Variants in RCL1 observed in about 807,000 individuals in gnomAD.
The protein encoded by RCL1 is RNA 3'-terminal phosphate cyclase-like protein.
RCL1 carries 24 observed loss-of-function variants against 42.4 expected under a neutral mutation model. The observed-to-expected ratio is 0.57, with a 90% confidence interval of 0.41 to 0.80. The LOEUF is 0.80. Ranked by LOEUF, RCL1 falls within the 30% of genes least tolerant of loss-of-function variation. The pLI is 0.00. For missense variants in RCL1, 578 were observed against 467.9 expected (o/e 1.24, Z -2.17); for synonymous variants, 228 against 177.3 (o/e 1.29, Z -2.27).
chr9:4,834,406 T>A, intron 5 of RCL1, 141 bp downstream of exon 5: 1 of 876,168 alleles, frequency 1.1e-6, no homozygotes, highest in Non-Finnish European at 1.6e-6. Context: ...AGTGAAATTG[T>A]AATTGCTGGC....
intron 6 of RCL1, among the ~76,000 whole-genome samples, chr9:4,841,623 C>T (rs1817333253): frequency 6.6e-6 from 1 of 152,196 alleles, no homozygotes; most frequent in Admixed American, 6.5e-5. Flanking sequence ...ATACACAATG[C>T]TTTAGGCTTT....
chr9:4,810,313 C>T (rs1411675098), intron 1 of RCL1, among the ~76,000 whole-genome samples: 2 of 152,164 alleles, frequency 1.3e-5, no homozygotes, highest in African/African-American at 4.8e-5. Context: ...ATGCCAGCAT[C>T]CTCCCATGCT....
chr9:4,794,521 C>A (rs1842883362), intron 1 of RCL1, among the ~76,000 whole-genome samples: 1 of 152,214 alleles, frequency 6.6e-6, no homozygotes, highest in African/African-American at 2.4e-5. Context: ...TGCTTGATTG[C>A]TGTGTGGCAT....
At chr9:4,841,723 T>C (rs1817337775) in intron 6 of RCL1, among the ~76,000 whole-genome samples, 1 of 152,258 alleles carries the variant, frequency 6.6e-6, no homozygotes, top group Non-Finnish European at 1.5e-5. Flanking sequence ...TTAAAATCTT[T>C]TGTTATCTAA....
At chr9:4,795,156 C>T (rs983003766) in intron 1 of RCL1, among the ~76,000 whole-genome samples, 2 of 152,088 alleles carry the variant, frequency 1.3e-5, no homozygotes, top group African/African-American at 4.8e-5. Flanking sequence ...CGGCTCACTG[C>T]AACCTCCGCC....
In RCL1 at chr9:4,849,477, C is replaced by G. The variant is rs1817641313; in HGVS notation, c.898C>G (p.Leu300Val). The stretch of plus-strand genomic sequence containing the variant: ...ATGCGTAGACTCGACCAACCAAAGC[C>G]TGGCGCTACTACTCATGACCCTTGG... ...GGCVDSTNQS[L>V]ALLLMTLGQQ... is the part of the protein sequence containing the mutation. Residue 300 changes from leucine to valine, a missense_variant, in exon 8 of 9, where the codon CTG becomes GTG. Coordinates refer to ENST00000381750, the MANE Select transcript of RCL1 (RefSeq NM_005772.5). The G allele has an allele frequency of 7.4e-6, 12 of 1,613,998 alleles. No individual in the cohort carries two copies. The highest frequency in any genetic ancestry group is 9.3e-6 in the Non-Finnish European group (11 of 1,179,994).
At chr9:4,842,635 TC>T (rs1817370673) in intron 6 of RCL1, among the ~76,000 whole-genome samples, 1 of 152,232 alleles carries the variant, frequency 6.6e-6, no homozygotes, top group African/African-American at 2.4e-5. Context: ...ATTGTAAAGA[TC>T]ACACATATAA....
intron 1 of RCL1, among the ~76,000 whole-genome samples, chr9:4,821,805 C>T (rs1329148208): frequency 1.3e-5 from 2 of 152,218 alleles, no homozygotes; most frequent in Non-Finnish European, 2.9e-5. Flanking sequence ...TAGCAGCCCA[C>T]TCTTGTGATA....
chr9:4,793,553 G>T (rs1303594939), intron 1 of RCL1, among the ~76,000 whole-genome samples: 3 of 152,196 alleles, frequency 2.0e-5, no homozygotes, highest in Non-Finnish European at 4.4e-5. Context: ...TCTTGCCCTC[G>T]CCATAAACCT....
rs1445088966 is a variant in RCL1, at chr9:4,793,018, T to A, written c.-74T>A. On this transcript the variant is annotated 5_prime_UTR_variant, in exon 1 of 9. Coordinates refer to ENST00000381750, the MANE Select transcript of RCL1 (RefSeq NM_005772.5). ...GTCGGTGTCGCCGCCACCACCACCATCGGAGTCACGAGTCCCGCGTCTGTC... is the reference window on the plus strand; with the variant it reads ...GTCGGTGTCGCCGCCACCACCACCAACGGAGTCACGAGTCCCGCGTCTGTC... 7 of 1,517,592 alleles carry A rather than the reference T, an allele frequency of 4.6e-6. No homozygotes were observed. The Admixed American group carries it at 1.4e-4, about 30-fold the overall frequency. 94.0% of individuals were successfully genotyped at this position (1,517,592 alleles called of 1,614,324 possible). A position where few individuals can be genotyped will look rare whatever the true frequency, so the allele number is the denominator to read the frequency against.
intron 6 of RCL1, among the ~76,000 whole-genome samples, chr9:4,842,038 C>T (rs1476727557): frequency 6.6e-6 from 1 of 152,186 alleles, no homozygotes; most frequent in African/African-American, 2.4e-5. Context: ...AAGAATAGTA[C>T]AGTGAACACG....
intron 1 of RCL1, among the ~76,000 whole-genome samples, chr9:4,816,866 G>GA (rs903332076): frequency 8.5e-5 from 13 of 152,080 alleles, no homozygotes; most frequent in African/African-American, 3.1e-4. Context: ...GTCCAGGCCG[G>GA]AGTGCAGTGG....
Position 4,839,667 on chromosome 9 carries a change from T to C in RCL1, c.585-1565T>C, listed in dbSNP as rs1033695350. The C allele has an allele frequency of 7.1e-6, 7 of 985,262 alleles. No homozygotes were observed. In the African/African-American group the frequency reaches 1.2e-4, roughly 17 times the overall value. The allele number at this position is 985,262 out of a possible 1,614,324, so 61.0% of individuals were successfully genotyped here. On this transcript the variant is annotated intron_variant, in intron 5 of 8. Transcript: ENST00000381750. ...ACTGGGCTGTGTGTGTATTGAAAAA[T>C]CCCTCTTTGCTCTTTCCTCATTTCA...
intron 7 of RCL1, among the ~76,000 whole-genome samples, chr9:4,847,459 G>A (rs979943339): frequency 6.6e-6 from 1 of 152,064 alleles, no homozygotes; most frequent in Non-Finnish European, 1.5e-5. Flanking sequence ...TGCCTCATCG[G>A]TTACCAAGCC....
chr9:4,835,706 G>A (rs1203359921), intron 5 of RCL1, among the ~76,000 whole-genome samples: 1 of 152,214 alleles, frequency 6.6e-6, no homozygotes, highest in Non-Finnish European at 1.5e-5. Context: ...GAAAGACGTG[G>A]GTGCCGACGC....
At chr9:4,843,900 T>C (rs1043405092) in intron 6 of RCL1, among the ~76,000 whole-genome samples, 3 of 152,168 alleles carry the variant, frequency 2.0e-5, no homozygotes, top group Non-Finnish European at 2.9e-5. Context: ...TAGCACAGTG[T>C]TAGATTGTTA....
At chr9:4,819,468 C>G (rs1029877657) in intron 1 of RCL1, among the ~76,000 whole-genome samples, 2 of 152,176 alleles carry the variant, frequency 1.3e-5, no homozygotes, top group African/African-American at 4.8e-5. Flanking sequence ...TATATGTACA[C>G]TTGTTCTTTA....
intron 1 of RCL1, among the ~76,000 whole-genome samples, chr9:4,818,706 C>T (rs409704): frequency 6.6e-6 from 1 of 151,712 alleles, no homozygotes; most frequent in East Asian, 1.9e-4. Flanking sequence ...CATGGTGAAA[C>T]CCTGTCTCTA....
At chr9:4,828,473 G>A (rs1490797147) in intron 3 of RCL1, among the ~76,000 whole-genome samples, 2 of 150,956 alleles carry the variant, frequency 1.3e-5, no homozygotes, top group African/African-American at 4.9e-5. Flanking sequence ...GGGATACTGA[G>A]TATAGTACAA....
Sources: gnomAD v4.1 joint callset for allele counts (sites outside exome capture counted in the v4.1 genomes callset) on GRCh38, gnomAD v4.1.1 for gene constraint, MANE v1.5 for transcripts, NCBI Gene and HGNC (gene_info 2026-07-23, HGNC 2026-07-21) for gene names.